Variants in CALCRL observed in about 807,000 individuals in gnomAD.
CALCRL encodes calcitonin receptor like receptor.
In CALCRL, 27 loss-of-function variants were observed where a neutral mutation model predicts 60.4. That is an observed-to-expected ratio of 0.45 (90% CI 0.33 to 0.62). The LOEUF (loss-of-function observed/expected upper bound fraction) is 0.62, where lower values mean the gene tolerates loss of function less well. CALCRL is among the 20% of genes least tolerant of loss of function. The pLI is 0.03. For synonymous variants in CALCRL, 190 were observed against 182.6 expected (o/e 1.04, Z -0.33); for missense variants, 424 against 540.7 (o/e 0.78, Z 2.14).
chr2:187,360,099 A>G (rs183776194), intron 10 of CALCRL, among the ~76,000 whole-genome samples: 11 of 152,242 alleles, frequency 7.2e-5, no homozygotes, highest in African/African-American at 2.4e-4. Flanking sequence ...GAATAATACC[A>G]CATCAGGATA....
intron 8 of CALCRL, among the ~76,000 whole-genome samples, chr2:187,368,345 T>C (rs1047725260): frequency 2.6e-5 from 4 of 152,054 alleles, no homozygotes; most frequent in African/African-American, 9.7e-5. Flanking sequence ...ATGTCAAACT[T>C]CCTCTATATT....
intron 1 of CALCRL, among the ~76,000 whole-genome samples, chr2:187,419,014 G>A (rs1439630125): frequency 7.2e-6 from 1 of 138,376 alleles, no homozygotes; most frequent in Middle Eastern, 3.9e-3. Flanking sequence ...GCACCACCAC[G>A]TCTGGCTAAT....
At chr2:187,434,038 T>G (rs1266431458) in intron 1 of CALCRL, among the ~76,000 whole-genome samples, 2 of 152,088 alleles carry the variant, frequency 1.3e-5, no homozygotes, top group African/African-American at 2.4e-5. Flanking sequence ...ATACACACCC[T>G]GAATAGAATT....
chr2:187,439,456 ATAAC>A (rs143864994), intron 1 of CALCRL, among the ~76,000 whole-genome samples: 2,048 of 152,256 alleles, frequency 0.013, 43 homozygotes, highest in African/African-American at 0.044. Flanking sequence ...TGTGTTTCAA[ATAAC>A]TAACTAACTA....
chr2:187,381,703 C>A (rs1687992807), intron 5 of CALCRL, among the ~76,000 whole-genome samples: 1 of 152,130 alleles, frequency 6.6e-6, no homozygotes, highest in African/African-American at 2.4e-5. Flanking sequence ...ATCCGCCCTC[C>A]TCGGCCTCCC....
intron 1 of CALCRL, among the ~76,000 whole-genome samples, chr2:187,430,352 T>C (rs891397914): frequency 1.3e-5 from 2 of 152,150 alleles, no homozygotes; most frequent in African/African-American, 4.8e-5. Context: ...CAGCTTTAAA[T>C]TTAGGAGAAA....
chr2:187,440,896 A>T (rs1029648711), intron 1 of CALCRL, among the ~76,000 whole-genome samples: 1 of 152,156 alleles, frequency 6.6e-6, no homozygotes, highest in African/African-American at 2.4e-5. Flanking sequence ...TAATTAAAAA[A>T]TTAAACAATA....
intron 1 of CALCRL, among the ~76,000 whole-genome samples, chr2:187,404,187 A>G (rs1483145223): frequency 6.6e-6 from 1 of 151,910 alleles, no homozygotes; most frequent in Non-Finnish European, 1.5e-5. Flanking sequence ...TGCTTGACAG[A>G]GTTTAATAGA....
chr2:187,370,502 C>A (rs943709683), intron 8 of CALCRL, among the ~76,000 whole-genome samples: 1 of 152,002 alleles, frequency 6.6e-6, no homozygotes, highest in East Asian at 1.9e-4. Context: ...TTAGCTCAAA[C>A]AGAAAAGATT....
chr2:187,394,175 A>T (rs1331166413), intron 1 of CALCRL, among the ~76,000 whole-genome samples: 1 of 152,050 alleles, frequency 6.6e-6, no homozygotes, highest in African/African-American at 2.4e-5. Context: ...TCTGCTGTGG[A>T]GCCCACATGC....
intron 3 of CALCRL, among the ~76,000 whole-genome samples, chr2:187,386,466 A>T (rs1688209477): frequency 6.6e-6 from 1 of 152,158 alleles, no homozygotes; most frequent in Non-Finnish European, 1.5e-5. Flanking sequence ...AGATTCCCTA[A>T]GTCATCTACA....
In CALCRL at chr2:187,375,696, C is replaced by CCT. The variant is rs550344893; in HGVS notation, c.500+3242_500+3243dup. Among the ~76,000 whole-genome samples the CCT allele has an allele frequency of 2.8e-4, 43 of 152,148 alleles. No individual in the cohort carries two copies. In the South Asian group the frequency reaches 8.1e-3, roughly 29 times the overall value. On this transcript the variant is annotated intron_variant, in intron 8 of 14. Coordinates refer to ENST00000392370, the MANE Select transcript of CALCRL (RefSeq NM_005795.6). ...GTATTTGGGAGAACCAAATTTCTGG[C>CCT]CTCTTTTGGAATGAGGAATGTGCCT...
chr2:187,384,846 CTG>C (rs1214233241), intron 4 of CALCRL, among the ~76,000 whole-genome samples: 1 of 152,118 alleles, frequency 6.6e-6, no homozygotes, highest in Non-Finnish European at 1.5e-5. Flanking sequence ...AGCACAGTCA[CTG>C]TTTTATTTTG....
At chr2:187,371,780 AGTTATAGCTT>A in intron 8 of CALCRL, among the ~76,000 whole-genome samples, 2 of 152,010 alleles carry the variant, frequency 1.3e-5, no homozygotes, top group Non-Finnish European at 2.9e-5. Flanking sequence ...TTCAGAGAAA[AGTTATAGCTT>A]AAAGAAAAAC....
intron 1 of CALCRL, among the ~76,000 whole-genome samples, chr2:187,414,096 T>C (rs1218935423): frequency 6.6e-6 from 1 of 152,160 alleles, no homozygotes; most frequent in Non-Finnish European, 1.5e-5. Context: ...GGCATTACTA[T>C]AATGAAAATT....
At chr2:187,412,309 T>C (rs1689401467) in intron 1 of CALCRL, among the ~76,000 whole-genome samples, 1 of 152,168 alleles carries the variant, frequency 6.6e-6, no homozygotes, top group South Asian at 2.1e-4. Flanking sequence ...TCATTATTTT[T>C]CTCTTGAAGT....
intron 1 of CALCRL, among the ~76,000 whole-genome samples, chr2:187,445,744 T>A (rs948753507): frequency 3.3e-5 from 5 of 151,544 alleles, no homozygotes; most frequent in Admixed American, 3.3e-4. Context: ...CTGTTATGCA[T>A]GAAAAAATAG....
At chr2:187,381,278 C>T (rs1013934740) in intron 5 of CALCRL, among the ~76,000 whole-genome samples, 1 of 152,030 alleles carries the variant, frequency 6.6e-6, no homozygotes, top group Non-Finnish European at 1.5e-5. Context: ...GGCCCCTCCA[C>T]CAAATTCTGA....
In CALCRL at chr2:187,439,252, C is replaced by A. The variant is rs138244103; in HGVS notation, c.-293+8787G>T. On this transcript the variant is annotated intron_variant, in intron 1 of 14. Transcript: ENST00000392370. The stretch of plus-strand genomic sequence containing the variant: ...AATCCCAGCATTTTGGGAGGCCAGA[C>A]TGGGCGGATCACTTGAGGCCAGGAG... Among the ~76,000 whole-genome samples, 590 of 152,116 alleles carry A rather than the reference C, an allele frequency of 3.9e-3. 9 individuals are homozygous for A. Among genetic ancestry groups the A allele is most frequent in the Admixed American group, 0.029 (441 of 15,246 alleles).
Sources: allele counts gnomAD v4.1 joint callset (sites outside exome capture counted in the v4.1 genomes callset), GRCh38; gene constraint gnomAD v4.1.1; transcripts MANE v1.5; gene names NCBI Gene and HGNC (gene_info 2026-07-23, HGNC 2026-07-21).